The following GRIN2B variants were observed in gnomAD, a reference collection of about 807,000 sequenced individuals.
GRIN2B encodes glutamate receptor ionotropic, NMDA 2B.
In GRIN2B, 5 loss-of-function variants were observed where a neutral mutation model predicts 114.5. The ratio of observed to expected loss-of-function variants is 0.04; its 90% CI spans 0.02 to 0.09. The LOEUF (loss-of-function observed/expected upper bound fraction) is 0.09, where lower values mean the gene tolerates loss of function less well. Among genes scored for constraint, GRIN2B ranks in the 10% least tolerant of loss-of-function variants. GRIN2B has a pLI of 1.00. For missense variants in GRIN2B, 1,108 were observed against 1,943.5 expected, an observed-to-expected ratio of 0.57 and a Z score of 8.08; for synonymous variants, 787 against 745.1, an observed-to-expected ratio of 1.06 and a Z score of -0.92.
intron 2 of GRIN2B, among the ~76,000 whole-genome samples, chr12:13,915,687 G>A (rs1866705154): frequency 2.0e-5 from 3 of 152,094 alleles, no homozygotes; most frequent in Non-Finnish European, 4.4e-5. Context: ...CAGGTAAATA[G>A]CCACATAAGA....
intron 3 of GRIN2B, among the ~76,000 whole-genome samples, chr12:13,860,807 C>T (rs751967042): frequency 2.6e-5 from 4 of 152,166 alleles, no homozygotes; most frequent in Admixed American, 6.5e-5. Flanking sequence ...CCCTTTTCTT[C>T]CCCATTCTTG....
At chr12:13,729,216 T>C (rs1323270364) in intron 4 of GRIN2B, among the ~76,000 whole-genome samples, 1 of 152,254 alleles carries the variant, frequency 6.6e-6, no homozygotes, top group Admixed American at 6.5e-5. Context: ...ATTCCCAGCA[T>C]GGGAGTGGCG....
Position 13,548,132 on chromosome 12 carries a change from T to C in GRIN2B, c.*14651A>G, listed in dbSNP as rs1384514225. The stretch of plus-strand genomic sequence containing the variant: ...ACCCCTAGGCTCAGTGGGAAAGAGT[T>C]TAAGTTCATGTGGATCTTGCTGTTC... On this transcript the variant is annotated 3_prime_UTR_variant, in exon 14 of 14. Transcript: ENST00000609686. 1 of 151,478 alleles carries C rather than the reference T, an allele frequency of 6.6e-6. No homozygotes were observed. The highest frequency in any genetic ancestry group is 1.5e-5 in the Non-Finnish European group (1 of 67,894). The allele number at this position is 151,478 out of a possible 1,614,324, so 9.4% of individuals were successfully genotyped here. A position where few individuals can be genotyped will look rare whatever the true frequency, so the allele number is the denominator to read the frequency against.
In GRIN2B at chr12:13,559,332, A is replaced by T. The variant is rs1480287688; in HGVS notation, c.*3451T>A. 2 of 152,242 alleles carry T rather than the reference A, an allele frequency of 1.3e-5. No homozygotes were observed. Among genetic ancestry groups the T allele is most frequent in the Non-Finnish European group, 2.9e-5 (2 of 68,044 alleles). 9.4% of individuals were successfully genotyped at this position (152,242 alleles called of 1,614,324 possible). On this transcript the variant is annotated 3_prime_UTR_variant, in exon 14 of 14. Coordinates refer to ENST00000609686, the MANE Select transcript of GRIN2B (RefSeq NM_000834.5). ...CAGCTTTTATGATGGGAGGATAGGA[A>T]AAAATGTAGTGAATATACTGGGTAA...
At chr12:13,592,243 T>C (rs538211506) in intron 10 of GRIN2B, among the ~76,000 whole-genome samples, 82 of 152,220 alleles carry the variant, frequency 5.4e-4, no homozygotes, top group Non-Finnish European at 9.6e-4. Context: ...GGAACAGGAA[T>C]GAGGGTAGAA....
intron 4 of GRIN2B, among the ~76,000 whole-genome samples, chr12:13,739,040 T>C (rs1269737134): frequency 6.6e-6 from 1 of 152,154 alleles, no homozygotes; most frequent in East Asian, 1.9e-4. Flanking sequence ...CCTGAGGCTG[T>C]TGAGTCAGTA....
chr12:13,728,845 C>T (rs1056175194), intron 4 of GRIN2B, among the ~76,000 whole-genome samples: 6 of 152,158 alleles, frequency 3.9e-5, no homozygotes, highest in African/African-American at 7.2e-5. Flanking sequence ...CCCAAATAAC[C>T]TACCAGTTTG....
At chr12:13,880,835 C>T (rs1866060615) in intron 2 of GRIN2B, among the ~76,000 whole-genome samples, 1 of 152,202 alleles carries the variant, frequency 6.6e-6, no homozygotes, top group African/African-American at 2.4e-5. Flanking sequence ...CATCTCTAGC[C>T]CAAGTCTTCC....
At chr12:13,565,934 T>C (rs917348417) in intron 13 of GRIN2B, among the ~76,000 whole-genome samples, 2 of 152,174 alleles carry the variant, frequency 1.3e-5, no homozygotes, top group Admixed American at 6.5e-5. Context: ...TTTTCCTCTA[T>C]AGAGGCATTG....
chr12:13,742,691 A>C lies in GRIN2B; in HGVS notation c.1010+10626T>G, dbSNP rs536214357. Among the ~76,000 whole-genome samples the C allele has an allele frequency of 9.2e-5, 14 of 152,306 alleles. No homozygotes were observed. In the South Asian group the frequency reaches 2.9e-3, roughly 32 times the overall value. ...GGTAATCTGCCTGCCTCGGCCTCCC[A>C]AAGTGCTGGGATTATAGGCATGAGC... On this transcript the variant is annotated intron_variant, in intron 4 of 13. Coordinates refer to ENST00000609686, the MANE Select transcript of GRIN2B (RefSeq NM_000834.5).
intron 4 of GRIN2B, among the ~76,000 whole-genome samples, chr12:13,720,779 G>A (rs910495545): frequency 2.0e-5 from 3 of 152,078 alleles, no homozygotes; most frequent in Non-Finnish European, 4.4e-5. Flanking sequence ...AAGACTAAAG[G>A]AAACATCTTG....
intron 4 of GRIN2B, among the ~76,000 whole-genome samples, chr12:13,686,826 C>T (rs1010542089): frequency 1.3e-5 from 2 of 152,096 alleles, no homozygotes; most frequent in African/African-American, 4.8e-5. Context: ...GGATGTGTGT[C>T]CCCTCCAAAC....
In GRIN2B at chr12:13,540,104, A is replaced by G. The variant is rs1210182231; in HGVS notation, c.*22679T>C. The stretch of plus-strand genomic sequence containing the variant: ...AGATCCCAACCCAAGTAGATTCGCC[A>G]GTCCAAGACTCCTACCAACAATTGG... On this transcript the variant is annotated 3_prime_UTR_variant, in exon 14 of 14. Transcript: ENST00000609686. 2 of 152,232 alleles carry G rather than the reference A, an allele frequency of 1.3e-5. No individual in the cohort carries two copies. The highest frequency in any genetic ancestry group is 4.8e-5 in the African/African-American group (2 of 41,472). The allele number at this position is 152,232 out of a possible 1,614,324, so 9.4% of individuals were successfully genotyped here.
At chr12:13,745,972 T>A (rs201928822) in intron 4 of GRIN2B, among the ~76,000 whole-genome samples, 67 of 151,752 alleles carry the variant, frequency 4.4e-4, no homozygotes, top group Non-Finnish European at 8.1e-4. Context: ...ATACAAAGGT[T>A]AAAAAAAACA....
intron 2 of GRIN2B, among the ~76,000 whole-genome samples, chr12:13,962,054 T>C (rs1867701401): frequency 6.6e-6 from 1 of 150,976 alleles, no homozygotes; most frequent in South Asian, 2.1e-4. Flanking sequence ...AAATGGTTTT[T>C]CATTTGTATT....
At chr12:13,736,409 C>T (rs1565518436) in intron 4 of GRIN2B, among the ~76,000 whole-genome samples, 1 of 152,162 alleles carries the variant, frequency 6.6e-6, no homozygotes, top group East Asian at 1.9e-4. Context: ...AAGGAAACCC[C>T]TGTCAAGTGC....
chr12:13,725,286 A>C (rs1055360068), intron 4 of GRIN2B, among the ~76,000 whole-genome samples: 2 of 152,080 alleles, frequency 1.3e-5, no homozygotes, highest in Non-Finnish European at 2.9e-5. Flanking sequence ...AGAAAAGAAG[A>C]ATGAGAGGAA....
chr12:13,743,548 G>C (rs1426608334), intron 4 of GRIN2B, among the ~76,000 whole-genome samples: 1 of 151,276 alleles, frequency 6.6e-6, no homozygotes, highest in Non-Finnish European at 1.5e-5. Context: ...ATATAATAAT[G>C]CTCTATTGTG....
chr12:13,628,359 C>G (rs1237404508), intron 5 of GRIN2B, among the ~76,000 whole-genome samples: 1 of 152,204 alleles, frequency 6.6e-6, no homozygotes, highest in African/African-American at 2.4e-5. Context: ...GCTTACTGGA[C>G]TGGTCCCCAG....
Sources: allele counts gnomAD v4.1 joint callset (sites outside exome capture counted in the v4.1 genomes callset), GRCh38; gene constraint gnomAD v4.1.1; transcripts MANE v1.5; gene names NCBI Gene and HGNC (gene_info 2026-07-23, HGNC 2026-07-21).